SERGEF: variants seen among roughly 807,000 people sequenced by gnomAD.
SERGEF encodes secretion-regulating guanine nucleotide exchange factor.
SERGEF carries 51 observed loss-of-function variants against 50.0 expected under a neutral mutation model. The ratio of observed to expected loss-of-function variants is 1.02; its 90% CI spans 0.81 to 1.29. The LOEUF is 1.29. SERGEF is among the 50% of genes most tolerant of loss of function. The pLI is 0.00. For missense variants in SERGEF, 521 were observed against 557.0 expected (o/e 0.94, Z 0.65); for synonymous variants, 205 against 212.4 (o/e 0.97, Z 0.30).
rs184353468 is a variant in SERGEF at position 17,938,923 on chromosome 11, A to G, written c.1011+20547T>C. ...ACAAATGGGTGTTAGAAAAAAATCA[A>G]TTGCTACCTTGGCTTCTTGGTCCTC... On this transcript the variant is annotated intron_variant, in intron 9 of 10. Coordinates refer to ENST00000265965, the MANE Select transcript of SERGEF (RefSeq NM_012139.4). Among the ~76,000 whole-genome samples, 42 of 152,302 alleles carry G rather than the reference A, an allele frequency of 2.8e-4. No homozygotes were observed. The East Asian group carries it at 7.9e-3, about 29-fold the overall frequency.
intron 9 of SERGEF, among the ~76,000 whole-genome samples, 158 bp from the exon 10 acceptor site, chr11:17,878,402 C>T (rs190986402): frequency 6.6e-6 from 1 of 152,176 alleles, no homozygotes; most frequent in Non-Finnish European, 1.5e-5. Context: ...ATTATAATTA[C>T]AACACATTCA....
intron 10 of SERGEF, among the ~76,000 whole-genome samples, chr11:17,839,478 A>G (rs1850461535): frequency 6.6e-6 from 1 of 152,170 alleles, no homozygotes; most frequent in Non-Finnish European, 1.5e-5. Context: ...CAGCACCTGA[A>G]AGGATTTCTC....
At chr11:17,977,121 G>A (rs201288228) in intron 8 of SERGEF, among the ~76,000 whole-genome samples, 1 of 152,226 alleles carries the variant, frequency 6.6e-6, no homozygotes, top group South Asian at 2.1e-4. Flanking sequence ...ACCAGCACTC[G>A]AGTCTCTCGT....
At chr11:17,901,751 C>G (rs1358426929) in intron 9 of SERGEF, among the ~76,000 whole-genome samples, 4 of 152,218 alleles carry the variant, frequency 2.6e-5, no homozygotes, top group African/African-American at 9.6e-5. Flanking sequence ...AGCACCATAA[C>G]TACAGTTCTC....
chr11:17,911,195 T>C (rs1435901107), intron 9 of SERGEF, among the ~76,000 whole-genome samples: 3 of 151,776 alleles, frequency 2.0e-5, no homozygotes, highest in Non-Finnish European at 4.4e-5. Context: ...ATTACTGTTA[T>C]AACCCTCATT....
chr11:17,893,003 G>C (rs1590181214), intron 9 of SERGEF, among the ~76,000 whole-genome samples: 2 of 152,324 alleles, frequency 1.3e-5, no homozygotes, highest in Non-Finnish European at 2.9e-5. Context: ...TGGTCACAGA[G>C]TGGCCTTGTC....
At chr11:17,934,055 C>A (rs1488106503) in intron 9 of SERGEF, among the ~76,000 whole-genome samples, 1 of 151,870 alleles carries the variant, frequency 6.6e-6, no homozygotes, top group African/African-American at 2.4e-5. Context: ...TAACAAGGCT[C>A]AAGTGGTTCT....
intron 4 of SERGEF, among the ~76,000 whole-genome samples, chr11:18,002,696 A>G (rs1401163): frequency 0.32 from 48,633 of 152,114 alleles, 9,279 homozygotes; most frequent in East Asian, 0.5. Context: ...ATGGTATTAC[A>G]TTTAAGTATT....
At chr11:17,904,204 C>T (rs1851798393) in intron 9 of SERGEF, among the ~76,000 whole-genome samples, 1 of 152,210 alleles carries the variant, frequency 6.6e-6, no homozygotes, top group Non-Finnish European at 1.5e-5. Flanking sequence ...ATTTCCAAGG[C>T]TGGAAGTAGG....
rs973509011 is a variant in SERGEF, at chr11:17,824,324, T to C, written c.1049-35911A>G. ...TCAAAAAAAAAAAAAAGGCCTCTCT[T>C]TGTCCTTTCTCCCTTCTATCTGGCT... On this transcript the variant is annotated intron_variant, in intron 10 of 10. Coordinates refer to ENST00000265965, the MANE Select transcript of SERGEF (RefSeq NM_012139.4). Among the ~76,000 whole-genome samples, 3 of 152,000 alleles carry C rather than the reference T, an allele frequency of 2.0e-5. No individual in the cohort carries two copies. In the South Asian group the frequency reaches 6.2e-4, roughly 32 times the overall value.
At chr11:17,829,277 T>C (rs1344475310) in intron 10 of SERGEF, among the ~76,000 whole-genome samples, 1 of 152,222 alleles carries the variant, frequency 6.6e-6, no homozygotes, top group Non-Finnish European at 1.5e-5. Flanking sequence ...CAAACTTTAT[T>C]GTGCATAAAA....
intron 9 of SERGEF, among the ~76,000 whole-genome samples, chr11:17,925,693 CA>C (rs896842489): frequency 2.6e-5 from 4 of 152,038 alleles, no homozygotes; most frequent in African/African-American, 9.7e-5. Flanking sequence ...TTCCATCTTA[CA>C]AAAATGTTTT....
At chr11:17,798,476 C>T (rs1195906570) in intron 10 of SERGEF, among the ~76,000 whole-genome samples, 2 of 152,228 alleles carry the variant, frequency 1.3e-5, no homozygotes, top group Non-Finnish European at 2.9e-5. Flanking sequence ...TCCCCACCCC[C>T]AGCCCCAGGA....
At chr11:17,995,102 G>C (rs1311997397) in intron 6 of SERGEF, among the ~76,000 whole-genome samples, 1 of 152,146 alleles carries the variant, frequency 6.6e-6, no homozygotes, top group Non-Finnish European at 1.5e-5. Context: ...GAGAGAGAAA[G>C]AAAGAGAGAG....
At chr11:17,966,366 G>A (rs1204228867) in intron 8 of SERGEF, among the ~76,000 whole-genome samples, 1 of 152,144 alleles carries the variant, frequency 6.6e-6, no homozygotes, top group Non-Finnish European at 1.5e-5. Flanking sequence ...CCTAATCCTG[G>A]CTTCTCTTCT....
At chr11:17,965,264 C>T (rs902454847) in intron 8 of SERGEF, among the ~76,000 whole-genome samples, 7 of 152,146 alleles carry the variant, frequency 4.6e-5, no homozygotes, top group South Asian at 2.1e-4. Context: ...TCTCTGCTGC[C>T]GCCCTATGAA....
At chr11:18,012,785 C>CCCCAACAACAA in intron 1 of SERGEF, 166 bp downstream of exon 1, 4 of 1,141,354 alleles carry the variant, frequency 3.5e-6, no homozygotes, top group African/African-American at 1.6e-5. Context: ...CCCCGCCCGC[C>CCCCAACAACAA]CGCTCCTCCT....
intron 9 of SERGEF, among the ~76,000 whole-genome samples, chr11:17,882,000 C>G (rs944006651): frequency 2.6e-5 from 4 of 152,176 alleles, no homozygotes; most frequent in African/African-American, 7.2e-5. Flanking sequence ...TAATATAATC[C>G]TTTTGTTCTA....
At chr11:17,862,040 G>A (rs1400202487) in intron 10 of SERGEF, among the ~76,000 whole-genome samples, 1 of 152,104 alleles carries the variant, frequency 6.6e-6, no homozygotes, top group East Asian at 1.9e-4. Flanking sequence ...TAGTTCCTTA[G>A]CCTGACATTA....
Sources: allele counts gnomAD v4.1 joint callset (sites outside exome capture counted in the v4.1 genomes callset), GRCh38; gene constraint gnomAD v4.1.1; transcripts MANE v1.5; gene names NCBI Gene and HGNC (gene_info 2026-07-23, HGNC 2026-07-21).